The following CIZ1 variants were observed in gnomAD, a reference collection of about 807,000 sequenced individuals.
CIZ1 encodes cip1-interacting zinc finger protein.
CIZ1 carries 58 observed loss-of-function variants against 118.6 expected under a neutral mutation model. The observed-to-expected ratio is 0.49, with a 90% confidence interval of 0.40 to 0.61. The LOEUF is 0.61. Among genes scored for constraint, CIZ1 ranks in the 20% least tolerant of loss-of-function variants. The pLI is 0.00. For missense variants in CIZ1, 921 were observed against 1,115.9 expected (o/e 0.83, Z 2.49); for synonymous variants, 448 against 443.4 (o/e 1.01, Z -0.13).
rs1310565245 is a variant in CIZ1, at chr9:128,169,017, C to A, written c.2295+35G>T. 1.9e-6 allele frequency: 3 copies of A among 1,612,834 alleles called. No homozygotes were observed. The South Asian group carries it at 3.3e-5, about 18-fold the overall frequency. ...GGTCTGTCCTGGGCTGGGAATCCAG[C>A]ACCAAGCCCGCCTCCCACACCCTCC... On this transcript the variant is annotated intron_variant, in intron 14 of 16. Coordinates refer to ENST00000372938, the MANE Select transcript of CIZ1 (RefSeq NM_001131016.2).
rs763061153 is a variant in CIZ1 at position 128,176,402 on chromosome 9, C to T, written c.1892G>A (p.Cys631Tyr). ...LGEIQHMSQACLLSLLPVPRD... is the reference protein window; with the variant it reads ...LGEIQHMSQAYLLSLLPVPRD... Reference sequence around the variant, plus strand: ...GGGCACGGGCAGCAGGGACAGGAGGCAGGCTTGGCTCATGTGCTGGATCTC... The same window carrying T: ...GGGCACGGGCAGCAGGGACAGGAGGTAGGCTTGGCTCATGTGCTGGATCTC... The change falls in exon 11 of 17, where the codon TGC becomes TAC. Residue 631 changes from cysteine (C) to tyrosine (Y), a missense_variant. Transcript: ENST00000372938. 2 of 1,614,112 alleles carry T rather than the reference C, an allele frequency of 1.2e-6. No individual in the cohort carries two copies. Among genetic ancestry groups the T allele is most frequent in the Non-Finnish European group, 1.7e-6 (2 of 1,180,008 alleles).
chr9:128,169,969 C>T (rs1366454924), intron 12 of CIZ1, 51 bp downstream of exon 12: 1 of 1,521,276 alleles, frequency 6.6e-7, no homozygotes, highest in Non-Finnish European at 9.0e-7. Flanking sequence ...TGTCTGGACT[C>T]CACTTGCAGA....
At chr9:128,191,911 G>C (rs1233360610), upstream of CIZ1, 8 of 1,439,388 alleles carry the variant, frequency 5.6e-6, no homozygotes, top group Non-Finnish European at 7.3e-6. The surrounding 1 kb of genome is among the most constrained non-coding windows in gnomAD (Gnocchi z 5.5). Context: ...GCTGCGGTGA[G>C]AGGGGGCGCG....
chr9:128,194,697 A>G (rs1320913950), upstream of CIZ1, among the ~76,000 whole-genome samples: 1 of 151,242 alleles, frequency 6.6e-6, no homozygotes, highest in Non-Finnish European at 1.5e-5. Context: ...GGGCACCTGT[A>G]ATCCCAGCTA....
At chr9:128,191,971 C>G, upstream of CIZ1, 7 of 1,344,542 alleles carry the variant, frequency 5.2e-6, no homozygotes, top group Non-Finnish European at 5.8e-6. This position sits in a 1 kb window ranked among gnomAD's most constrained non-coding sequence, Gnocchi z 5.5. Context: ...GGCGAGAGGG[C>G]GGCCAAGGTC....
Position 128,190,394 on chromosome 9 carries a change from G to C in CIZ1, c.221C>G (p.Thr74Ser), listed in dbSNP as rs1481702417. 3 of 1,613,886 alleles carry C rather than the reference G, an allele frequency of 1.9e-6. No homozygotes were observed. Among genetic ancestry groups the C allele is most frequent in the South Asian group, 2.2e-5 (2 of 91,030 alleles). The part of the protein sequence containing the change: ...PQQPLLNLQG[T>S]NSASLLNGSM... Reference sequence around the variant, plus strand: ...GCCGTTGAGGAGGGAGGCTGAGTTGGTGCCCTGGAGATTCAGAAGCGGCTG... The same window carrying C: ...GCCGTTGAGGAGGGAGGCTGAGTTGCTGCCCTGGAGATTCAGAAGCGGCTG... Residue 74 changes from threonine (T) to serine (S), a missense_variant, in exon 3 of 17, where the codon ACC becomes AGC. Coordinates refer to ENST00000372938, the MANE Select transcript of CIZ1 (RefSeq NM_001131016.2).
intron 12 of CIZ1, among the ~76,000 whole-genome samples, 166 bp downstream of exon 12, chr9:128,169,854 G>A (rs563041301): frequency 1.3e-5 from 2 of 152,386 alleles, no homozygotes; most frequent in East Asian, 3.9e-4. Flanking sequence ...TGGGGAACCT[G>A]AAGCCCGAAG....
Position 128,166,675 on chromosome 9 carries a change from G to A in CIZ1, c.2487+84C>T. On this transcript the variant is annotated intron_variant, in intron 16 of 16. Transcript: ENST00000372938. This position sits in a 1 kb window ranked among gnomAD's most constrained non-coding sequence, Gnocchi z 4.4. The stretch of plus-strand genomic sequence containing the variant: ...TGGGGATTGAGGCCCTGCACAAGAG[G>A]GAGTGGCCACTAGCCACCCGAATCA... 6.5e-7 allele frequency: 1 copy of A among 1,540,252 alleles called. No homozygotes were observed. The highest frequency in any genetic ancestry group is 9.0e-7 in the Non-Finnish European group (1 of 1,116,422).
At chr9:128,167,195 T>C in intron 14 of CIZ1, 31 bp from the exon 15 acceptor site, 1 of 1,522,290 alleles carries the variant, frequency 6.6e-7, no homozygotes, top group Admixed American at 2.1e-5. Context: ...GCCTCGGATC[T>C]GGCTTCCCCT....
At chr9:128,181,926 T>C (rs1001186118) in intron 5 of CIZ1, among the ~76,000 whole-genome samples, 4 of 152,222 alleles carry the variant, frequency 2.6e-5, no homozygotes, top group Non-Finnish European at 4.4e-5. Context: ...GCTCCTAGTC[T>C]GCCTTCATGT....
At chr9:128,188,457 C>T (rs1251122084) in intron 3 of CIZ1, among the ~76,000 whole-genome samples, 1 of 151,920 alleles carries the variant, frequency 6.6e-6, no homozygotes, top group Non-Finnish European at 1.5e-5. Context: ...CCTTTTTTTC[C>T]ACTTTAAAGA....
In CIZ1 at chr9:128,179,558, A is replaced by C; in HGVS notation, c.792-143T>G. 4.3e-6 allele frequency: 3 copies of C among 702,290 alleles called. No individual in the cohort carries two copies. The South Asian group carries it at 5.9e-5, about 14-fold the overall frequency. The allele number at this position is 702,290 out of a possible 1,614,324, so 43.5% of individuals were successfully genotyped here. ...GAGGCTGAGGCAGGTGGATCATTTG[A>C]GGTCAGGAGTTCCAGATCAGCCTAA... On this transcript the variant is annotated intron_variant, in intron 7 of 16. Transcript: ENST00000372938.
In CIZ1 at chr9:128,203,503, G is replaced by A. The variant is rs1157955248; in HGVS notation, c.-6+683C>T. On this transcript the variant is annotated intron_variant, in intron 1 of 17. Coordinates refer to the CIZ1 transcript ENST00000372948. The surrounding 1 kb of genome is among the most constrained non-coding windows in gnomAD (Gnocchi z 5.3). ...ACCGCGGCATGGAAGATCTCATCCCGCTGGTCAACCGGCTGCAAGACGCCT... is the reference window on the plus strand; with the variant it reads ...ACCGCGGCATGGAAGATCTCATCCCACTGGTCAACCGGCTGCAAGACGCCT... 2 of 1,534,556 alleles carry A rather than the reference G, an allele frequency of 1.3e-6. No homozygotes were observed. The highest frequency in any genetic ancestry group is 1.7e-4 in the Middle Eastern group (1 of 5,820).
chr9:128,193,647 G>A (rs1404267928), upstream of CIZ1, among the ~76,000 whole-genome samples: 1 of 152,170 alleles, frequency 6.6e-6, no homozygotes, highest in East Asian at 1.9e-4. Flanking sequence ...CCGGGAGGCA[G>A]AGGTTGCAGC....
chr9:128,172,118 A>G (rs149749477), intron 11 of CIZ1, among the ~76,000 whole-genome samples: 89 of 131,414 alleles, frequency 6.8e-4, no homozygotes, highest in African/African-American at 2.3e-3. Flanking sequence ...ACTACGCTCC[A>G]GCCTGGGTGA....
intron 11 of CIZ1, among the ~76,000 whole-genome samples, chr9:128,172,146 T>TAA (rs1830201732): frequency 4.9e-5 from 1 of 20,444 alleles, no homozygotes; most frequent in East Asian, 1.6e-3. Flanking sequence ...AGACACTGTC[T>TAA]CAAAAAAAAA....
intron 6 of CIZ1, 92 bp from the exon 7 acceptor site, chr9:128,180,615 A>G: frequency 7.3e-7 from 1 of 1,369,688 alleles, no homozygotes; most frequent in Non-Finnish European, 1.0e-6. Flanking sequence ...CCGCCTTCCC[A>G]CCAAGAACCC....
intron 11 of CIZ1, among the ~76,000 whole-genome samples, chr9:128,174,729 G>A (rs1272391928): frequency 2.0e-5 from 3 of 151,888 alleles, no homozygotes; most frequent in South Asian, 2.1e-4. Context: ...GCGCGATCTC[G>A]GCTCACTGCA....
At chr9:128,187,767 G>T in intron 4 of CIZ1, 96 bp downstream of exon 4, 1 of 372,354 alleles carries the variant, frequency 2.7e-6, no homozygotes. Context: ...AGCACTCTAA[G>T]AAATGTAAAA....
Sources: gnomAD v4.1 joint callset for allele counts (sites outside exome capture counted in the v4.1 genomes callset) on GRCh38, gnomAD v4.1.1 for gene constraint, Gnocchi (gnomAD v3.1) non-coding constraint, MANE v1.5 for transcripts, NCBI Gene and HGNC (gene_info 2026-07-23, HGNC 2026-07-21) for gene names.